RAB33B: variants seen among roughly 807,000 people sequenced by gnomAD.
RAB33B encodes the protein ras-related protein Rab-33B.
RAB33B carries 6 observed loss-of-function variants against 15.0 expected under a neutral mutation model. The ratio of observed to expected loss-of-function variants is 0.40; its 90% CI spans 0.22 to 0.79. The LOEUF is 0.79. Ranked by LOEUF, RAB33B falls within the 30% of genes least tolerant of loss-of-function variation. The probability of loss-of-function intolerance (pLI) is 0.37; values close to 1 mark genes in which losing one functional copy is unlikely to be tolerated. For missense variants in RAB33B, 257 were observed against 296.4 expected (o/e 0.87, Z 0.98); for synonymous variants, 117 against 108.3 (o/e 1.08, Z -0.50).
At chr4:139,457,521 C>T (rs1199629451) in intron 1 of RAB33B, among the ~76,000 whole-genome samples, 4 of 151,976 alleles carry the variant, frequency 2.6e-5, no homozygotes, top group African/African-American at 4.8e-5. Context: ...TTTTTTGTAG[C>T]GGTAGAAATG....
the RAB33B span, among the ~76,000 whole-genome samples, chr4:139,446,987 C>A: frequency 2.0e-5 from 3 of 152,332 alleles, no homozygotes; most frequent in Middle Eastern, 6.8e-3. Context: ...CTGGAATAAA[C>A]ACTTATTCCA....
intron 1 of RAB33B, among the ~76,000 whole-genome samples, chr4:139,462,667 GTGTC>G (rs796192313): frequency 6.6e-5 from 10 of 152,316 alleles, no homozygotes; most frequent in African/African-American, 2.2e-4. Flanking sequence ...AGAAATGTGT[GTGTC>G]TGGTGTACAG....
chr4:139,458,901 C>T (rs1450722455), intron 1 of RAB33B, among the ~76,000 whole-genome samples: 1 of 152,206 alleles, frequency 6.6e-6, no homozygotes, highest in East Asian at 1.9e-4. Context: ...CTTTTCTCTG[C>T]AACTTTGCCA....
chr4:139,468,828 T>C (rs528106772), intron 1 of RAB33B, among the ~76,000 whole-genome samples: 1 of 152,374 alleles, frequency 6.6e-6, no homozygotes, highest in South Asian at 2.1e-4. Context: ...TTGCCAGATA[T>C]ACCATTCTAG....
At chr4:139,444,653 T>C in the RAB33B span, among the ~76,000 whole-genome samples, 2 of 152,192 alleles carry the variant, frequency 1.3e-5, no homozygotes, top group Non-Finnish European at 2.9e-5. Context: ...TGTGGTCCTC[T>C]AGTTAACATA....
chr4:139,470,967 G>A (rs1470902301), intron 1 of RAB33B, among the ~76,000 whole-genome samples: 2 of 152,148 alleles, frequency 1.3e-5, no homozygotes, highest in African/African-American at 2.4e-5. Flanking sequence ...CAAATGGAGG[G>A]AAGTGGTCTT....
chr4:139,444,509 C>T, the RAB33B span, among the ~76,000 whole-genome samples: 1 of 152,082 alleles, frequency 6.6e-6, no homozygotes, highest in Non-Finnish European at 1.5e-5. Flanking sequence ...TTCTCTCATT[C>T]TCCCCCAAGA....
At chr4:139,442,532 G>A in the RAB33B span, among the ~76,000 whole-genome samples, 1 of 152,118 alleles carries the variant, frequency 6.6e-6, no homozygotes, top group Admixed American at 6.5e-5. Context: ...CCCTTAATCT[G>A]GGTGGGCACC....
chr4:139,464,531 C>A (rs774189046), intron 1 of RAB33B, among the ~76,000 whole-genome samples: 1 of 151,566 alleles, frequency 6.6e-6, no homozygotes. Flanking sequence ...CTAATGCTAT[C>A]CCTCCCTTCC....
chr4:139,454,156 GTC>G lies in RAB33B; in HGVS notation c.-37_-36del, dbSNP rs1723584576. 6.3e-7 allele frequency: 1 copy of G among 1,575,568 alleles called. No individual in the cohort carries two copies. The highest frequency in any genetic ancestry group is 2.0e-4 in the Middle Eastern group (1 of 5,120). Reference sequence around the variant, plus strand: ...TGGCGTAATCTCTCAGCCTTTCTGTGTCTCCTTTCCTCCGCCTCAGTTTGGGG... The same window carrying G: ...TGGCGTAATCTCTCAGCCTTTCTGTGTCCTTTCCTCCGCCTCAGTTTGGGG... On this transcript the variant is annotated 5_prime_UTR_variant, in exon 1 of 2. Coordinates refer to ENST00000305626, the MANE Select transcript of RAB33B (RefSeq NM_031296.3).
chr4:139,466,584 CT>C (rs552134078), intron 1 of RAB33B, among the ~76,000 whole-genome samples: 139 of 143,808 alleles, frequency 9.7e-4, no homozygotes, highest in Admixed American at 1.3e-3. Context: ...TTTCTTTTTT[CT>C]TTTTTTTTTT....
the RAB33B span, among the ~76,000 whole-genome samples, chr4:139,447,004 G>A: frequency 6.6e-6 from 1 of 152,150 alleles, no homozygotes; most frequent in Admixed American, 6.5e-5. Flanking sequence ...TCCAGATATC[G>A]GTTTGCCTAT....
Position 139,473,908 on chromosome 4 carries a change from T to TC in RAB33B, c.*782_*783insC, listed in dbSNP as rs1750449087. 7.0e-6 allele frequency: 1 copy of TC among 143,798 alleles called. No individual in the cohort carries two copies. Among genetic ancestry groups the TC allele is most frequent in the African/African-American group, 2.6e-5 (1 of 38,806 alleles). 8.9% of individuals were successfully genotyped at this position (143,798 alleles called of 1,614,324 possible). On this transcript the variant is annotated 3_prime_UTR_variant, in exon 2 of 2. Transcript: ENST00000305626. ...TATTTGAGTTTCTTTCTTTCTTTTT[T>TC]TTTTTTTTTTTTTTTGAGATGGAGT...
chr4:139,446,178 T>C, the RAB33B span, among the ~76,000 whole-genome samples: 13 of 152,290 alleles, frequency 8.5e-5, no homozygotes, highest in African/African-American at 2.9e-4. Flanking sequence ...TCTCCACTCC[T>C]GCCACCCTGA....
chr4:139,461,071 T>A (rs1005010781), intron 1 of RAB33B, among the ~76,000 whole-genome samples: 4 of 152,226 alleles, frequency 2.6e-5, no homozygotes, highest in African/African-American at 9.6e-5. Flanking sequence ...CAAATTAGTT[T>A]AAGCAGAAAG....
At chr4:139,464,384 CTGTT>C (rs1030157317) in intron 1 of RAB33B, among the ~76,000 whole-genome samples, 1 of 69,542 alleles carries the variant, frequency 1.4e-5, no homozygotes, top group African/African-American at 4.3e-5. Flanking sequence ...AAGAGGAATA[CTGTT>C]TTTTTTTTTT....
At chr4:139,460,237 C>T (rs941144547) in intron 1 of RAB33B, among the ~76,000 whole-genome samples, 6 of 152,100 alleles carry the variant, frequency 3.9e-5, no homozygotes, top group African/African-American at 1.4e-4. Context: ...ATGATTTAGT[C>T]ATGTGTTTAT....
At chr4:139,453,332 G>A (rs1227060677), upstream of RAB33B, 1 of 152,220 alleles carries the variant, frequency 6.6e-6, no homozygotes, top group African/African-American at 2.4e-5. Flanking sequence ...GCTGTACCTA[G>A]GCCTCGAACT....
In RAB33B at chr4:139,458,065, G is replaced by A. The variant is rs117880534; in HGVS notation, c.249+3621G>A. On this transcript the variant is annotated intron_variant, in intron 1 of 1. Transcript: ENST00000305626. ...TTTGTACATTGTTGCCAAAATGCCC[G>A]ATTAATGTTGTACTTCAAGATTTAT... 9.3e-4 allele frequency among the ~76,000 whole-genome samples: 142 copies of A among 152,206 alleles called. 1 individual carries two copies. In the East Asian group the frequency reaches 0.024, roughly 26 times the overall value.
Sources: allele counts gnomAD v4.1 joint callset (sites outside exome capture counted in the v4.1 genomes callset), GRCh38; gene constraint gnomAD v4.1.1; transcripts MANE v1.5; gene names NCBI Gene and HGNC (gene_info 2026-07-23, HGNC 2026-07-21).